The following ADCY10 variants were observed in gnomAD, a reference collection of about 807,000 sequenced individuals.
The protein encoded by ADCY10 is adenylate cyclase 10.
ADCY10 carries 156 observed loss-of-function variants against 183.3 expected under a neutral mutation model. The ratio of observed to expected loss-of-function variants is 0.85; its 90% confidence interval spans 0.75 to 0.97. The LOEUF is 0.97. Ranked by LOEUF, ADCY10 falls within the 50% of genes least tolerant of loss-of-function variation. The pLI is 0.00. For synonymous variants in ADCY10, 645 were observed against 670.0 expected, an observed-to-expected ratio of 0.96 and a Z score of 0.58; for missense variants, 1,745 against 1,934.3, an observed-to-expected ratio of 0.90 and a Z score of 1.84.
intron 31 of ADCY10, 76 bp from the exon 32 acceptor site, chr1:167,810,989 T>A: frequency 2.2e-6 from 3 of 1,366,370 alleles, no homozygotes; most frequent in Non-Finnish European, 3.1e-6. Context: ...CCTTCACAGA[T>A]GATTTGGGAA....
rs534142559 is a variant in ADCY10, at chr1:167,854,390, A to G, written c.2271T>C (p.Ser757=). The stretch of plus-strand genomic sequence containing the variant: ...TCCAGGTCCTATTTGTCTTTTCCTC[A>G]GACTCCGTTTGTTGGAAAACGAGTA... ...HEVLVFQQTE[S]EEKTNRTWNN... is the part of the protein sequence containing the mutation. The change falls in exon 18 of 33, where the codon TCT becomes TCC. Residue 757 remains serine, a synonymous_variant. Coordinates refer to ENST00000367851, the MANE Select transcript of ADCY10 (RefSeq NM_018417.6). 2.5e-6 allele frequency: 4 copies of G among 1,614,174 alleles called. No homozygotes were observed. Among genetic ancestry groups the G allele is most frequent in the Admixed American group, 1.7e-5 (1 of 60,022 alleles).
At chr1:167,833,882 G>T in intron 24 of ADCY10, 88 bp downstream of exon 24, 1 of 1,001,606 alleles carries the variant, frequency 1.0e-6, no homozygotes, top group Non-Finnish European at 1.5e-6. Context: ...ATGGGAGGAG[G>T]GTGTAGAAAG....
At chr1:167,896,451 G>C (rs1336624102) in intron 7 of ADCY10, 144 bp downstream of exon 7, 1 of 750,088 alleles carries the variant, frequency 1.3e-6, no homozygotes, top group African/African-American at 1.7e-5. Context: ...CCGGAGAATG[G>C]GAAGTAGGTC....
At chr1:167,863,108 C>G (rs747340025) in intron 14 of ADCY10, among the ~76,000 whole-genome samples, 1 of 151,944 alleles carries the variant, frequency 6.6e-6, no homozygotes, top group Non-Finnish European at 1.5e-5. Flanking sequence ...AGAGACAGAC[C>G]CTCTCATATT....
chr1:167,880,340 T>C, intron 10 of ADCY10, 149 bp from the exon 11 acceptor site: 2 of 958,010 alleles, frequency 2.1e-6, no homozygotes, highest in Non-Finnish European at 3.4e-6. Context: ...CATTTCTACA[T>C]GGCCCGGAGA....
rs538462140 is a variant in ADCY10 at position 167,853,830 on chromosome 1, C to CTT, written c.2308+521_2308+522dup. Among the ~76,000 whole-genome samples the CTT allele has an allele frequency of 7.3e-4, 56 of 77,190 alleles. 5 individuals are homozygous for CTT. The highest frequency in any genetic ancestry group is 1.5e-3 in the East Asian group (4 of 2,626). The allele number at this position is 77,190 out of a possible 152,430, so 50.6% of individuals were successfully genotyped here. Reference sequence around the variant, plus strand: ...TGTTCTTTCATTTCTACTATAGTTACTTTTTTTTTTTTTTTTTTTTTTTTT... The same window carrying CTT: ...TGTTCTTTCATTTCTACTATAGTTACTTTTTTTTTTTTTTTTTTTTTTTTTTT... On this transcript the variant is annotated intron_variant, in intron 18 of 32. Coordinates refer to ENST00000367851, the MANE Select transcript of ADCY10 (RefSeq NM_018417.6).
intron 8 of ADCY10, among the ~76,000 whole-genome samples, chr1:167,885,241 A>C (rs1251456696): frequency 6.6e-6 from 1 of 152,258 alleles, no homozygotes; most frequent in Non-Finnish European, 1.5e-5. Context: ...ATAGCACTGC[A>C]GTAAACATGG....
intron 1 of ADCY10, among the ~76,000 whole-genome samples, chr1:167,911,399 C>T (rs1057493110): frequency 6.6e-6 from 1 of 152,228 alleles, no homozygotes; most frequent in Non-Finnish European, 1.5e-5. Context: ...TAAATATTTG[C>T]CCTGGCATGC....
chr1:167,903,441 G>A (rs1314160077), intron 3 of ADCY10, among the ~76,000 whole-genome samples: 1 of 151,834 alleles, frequency 6.6e-6, no homozygotes, highest in East Asian at 1.9e-4. Context: ...GCGGGCGCCT[G>A]TAATCCTAGC....
At chr1:167,867,300 C>G (rs372733502) in intron 14 of ADCY10, among the ~76,000 whole-genome samples, 1 of 152,118 alleles carries the variant, frequency 6.6e-6, no homozygotes, top group Non-Finnish European at 1.5e-5. Context: ...CAGTCACACC[C>G]GGAAGCTGAC....
intron 30 of ADCY10, chr1:167,820,291 G>A (rs1662813750): frequency 7.6e-7 from 1 of 1,314,130 alleles, no homozygotes. Flanking sequence ...AGCGCCGGCC[G>A]CCTAGCCAAG....
At chr1:167,870,600 C>T (rs1420790209) in intron 13 of ADCY10, among the ~76,000 whole-genome samples, 190 bp from the exon 14 acceptor site, 1 of 142,340 alleles carries the variant, frequency 7.0e-6, no homozygotes, top group Non-Finnish European at 1.5e-5. Flanking sequence ...CGTGACCAGC[C>T]TGGCCAACAT....
intron 8 of ADCY10, among the ~76,000 whole-genome samples, chr1:167,892,076 G>C (rs1287497074): frequency 3.3e-5 from 5 of 151,278 alleles, no homozygotes; most frequent in Non-Finnish European, 1.5e-5. Context: ...TTGCTCAAGT[G>C]ATCCTCTCAC....
rs1662650746 is a variant in ADCY10, at chr1:167,818,223, T to C, written c.4331A>G (p.Asn1444Ser). 1.2e-6 allele frequency: 2 copies of C among 1,614,196 alleles called. No individual in the cohort carries two copies. The highest frequency in any genetic ancestry group is 1.3e-5 in the African/African-American group (1 of 75,054). Residue 1444 changes from asparagine to serine, a missense_variant, in exon 31 of 33, where the codon AAT becomes AGT. By Grantham distance (46) the Asn-to-Ser change is conservative. Coordinates refer to ENST00000367851, the MANE Select transcript of ADCY10 (RefSeq NM_018417.6). ...TCTTGGCAAAAGATTTTTAGCTCTATTGGAAAATTTGTAAAAGTTGTCCCA... is the reference window on the plus strand; with the variant it reads ...TCTTGGCAAAAGATTTTTAGCTCTACTGGAAAATTTGTAAAAGTTGTCCCA... ...QEWDNFYKFSNRAKNLLPRRT... is the reference protein window; with the variant it reads ...QEWDNFYKFSSRAKNLLPRRT...
At chr1:167,834,447 C>T (rs1411297028) in intron 23 of ADCY10, 8 of 323,490 alleles carry the variant, frequency 2.5e-5, no homozygotes, top group African/African-American at 1.3e-4. Flanking sequence ...ATCCACTTCC[C>T]TTGAACAGCA....
chr1:167,875,595 T>C (rs1667396752), intron 12 of ADCY10, among the ~76,000 whole-genome samples: 1 of 152,246 alleles, frequency 6.6e-6, no homozygotes, highest in Admixed American at 6.5e-5. Context: ...GCTATGTGTC[T>C]GGCGCAGTTC....
At chr1:167,880,447 A>C in intron 10 of ADCY10, 44 bp downstream of exon 10, 1 of 1,441,376 alleles carries the variant, frequency 6.9e-7, no homozygotes, top group Non-Finnish European at 9.8e-7. Flanking sequence ...CTTATGCCTC[A>C]AAAGGGTCAG....
chr1:167,848,300 C>T (rs1035116265), intron 19 of ADCY10, 61 bp downstream of exon 19: 34 of 1,415,216 alleles, frequency 2.4e-5, no homozygotes, highest in Admixed American at 8.5e-5. Flanking sequence ...CCGCCCGCCT[C>T]GGCCTCCCAA....
chr1:167,847,962 A>G (rs1371398006), intron 19 of ADCY10, among the ~76,000 whole-genome samples: 1 of 152,268 alleles, frequency 6.6e-6, no homozygotes, highest in East Asian at 1.9e-4. Flanking sequence ...GAGCAAACAG[A>G]CAAACAACCA....
Sources: gnomAD v4.1 joint callset for allele counts (sites outside exome capture counted in the v4.1 genomes callset) on GRCh38, gnomAD v4.1.1 for gene constraint, MANE v1.5 for transcripts, NCBI Gene and HGNC (gene_info 2026-07-23, HGNC 2026-07-21) for gene names.